Variants in LARGE1 observed in about 807,000 individuals in gnomAD.
The protein encoded by LARGE1 is LARGE xylosyl- and glucuronyltransferase 1.
A neutral mutation model predicts 87.6 loss-of-function variants in LARGE1; 43 were observed. That is an observed-to-expected ratio of 0.49 (90% CI 0.38 to 0.63). LARGE1 has a LOEUF of 0.63. Among genes scored for constraint, LARGE1 ranks in the 30% least tolerant of loss-of-function variants. The pLI, the probability that LARGE1 is intolerant of heterozygous loss-of-function variation, is 0.00. For missense variants in LARGE1, 802 were observed against 1,000.2 expected (o/e 0.80, Z 2.67); for synonymous variants, 434 against 394.6 (o/e 1.10, Z -1.18).
intron 11 of LARGE1, among the ~76,000 whole-genome samples, chr22:33,222,588 G>A (rs748654913): frequency 9.2e-5 from 14 of 152,116 alleles, no homozygotes; most frequent in Non-Finnish European, 1.8e-4. Context: ...TGTAAGAGTC[G>A]GAAGAGGAGA....
Position 33,406,698 on chromosome 22 carries a change from G to A in LARGE1, c.893-22394C>T, listed in dbSNP as rs141599360. Among the ~76,000 whole-genome samples, 517 of 152,332 alleles carry A rather than the reference G, an allele frequency of 3.4e-3. 6 individuals are homozygous for A. The highest frequency in any genetic ancestry group is 0.012 in the African/African-American group (498 of 41,574). ...CAGGGCTGTGTGGTGGTGTGTGGAG[G>A]AGTGGAATTTGGGGCCTCATCCTGA... is the stretch of plus-strand genomic sequence containing the variant. On this transcript the variant is annotated intron_variant, in intron 7 of 14. Coordinates refer to ENST00000397394, the MANE Select transcript of LARGE1 (RefSeq NM_133642.5).
At chr22:33,280,530 T>C (rs996121323) in intron 13 of LARGE1, among the ~76,000 whole-genome samples, 3 of 152,082 alleles carry the variant, frequency 2.0e-5, no homozygotes, top group South Asian at 2.1e-4. Context: ...TTGCACTCCA[T>C]TGTAGGGACA....
At chr22:33,607,194 G>A (rs1200985110) in intron 4 of LARGE1, among the ~76,000 whole-genome samples, 1 of 152,132 alleles carries the variant, frequency 6.6e-6, no homozygotes, top group Non-Finnish European at 1.5e-5. Context: ...AGGTGCCGTG[G>A]CTCATACCCG....
At chr22:33,792,987 C>T (rs1344821122) in intron 1 of LARGE1, among the ~76,000 whole-genome samples, 2 of 152,196 alleles carry the variant, frequency 1.3e-5, no homozygotes, top group African/African-American at 4.8e-5. Context: ...CCACAAACAG[C>T]TTTCCACCCA....
At chr22:33,784,799 A>G (rs771980091) in intron 1 of LARGE1, among the ~76,000 whole-genome samples, 6 of 151,922 alleles carry the variant, frequency 3.9e-5, no homozygotes, top group South Asian at 2.1e-4. Flanking sequence ...TAGTATACAT[A>G]CACACATACA....
At chr22:33,808,180 C>T (rs1368584717) in intron 1 of LARGE1, among the ~76,000 whole-genome samples, 1 of 152,218 alleles carries the variant, frequency 6.6e-6, no homozygotes, top group African/African-American at 2.4e-5. Flanking sequence ...TGCCAGTGTT[C>T]CAGGTTTTGG....
intron 3 of LARGE1, among the ~76,000 whole-genome samples, chr22:33,649,077 T>C (rs905349872): frequency 3.3e-5 from 5 of 152,210 alleles, no homozygotes; most frequent in Non-Finnish European, 5.9e-5. Flanking sequence ...ACATCGTTCC[T>C]ACTCATATGA....
chr22:33,364,649 T>C (rs11914032), intron 9 of LARGE1, among the ~76,000 whole-genome samples: 11,623 of 152,294 alleles, frequency 0.076, 518 homozygotes, highest in South Asian at 0.14. Context: ...ATACAGTATT[T>C]GTCCTTTTGT....
chr22:33,350,923 G>A (rs1940312266), intron 9 of LARGE1, among the ~76,000 whole-genome samples: 1 of 152,188 alleles, frequency 6.6e-6, no homozygotes, highest in South Asian at 2.1e-4. Context: ...AGGGTCAACA[G>A]AGTCCTTTTG....
intron 2 of LARGE1, among the ~76,000 whole-genome samples, chr22:33,693,697 G>A (rs2082163946): frequency 6.6e-6 from 1 of 152,140 alleles, no homozygotes; most frequent in Admixed American, 6.5e-5. Flanking sequence ...GGTGGCGCAC[G>A]CCTGTGGTCC....
At chr22:33,200,406 G>A (rs1292901638) in intron 11 of LARGE1, among the ~76,000 whole-genome samples, 1 of 152,104 alleles carries the variant, frequency 6.6e-6, no homozygotes, top group Admixed American at 6.5e-5. Flanking sequence ...TGTAAAATGG[G>A]GCAGCCACTT....
intron 5 of LARGE1, among the ~76,000 whole-genome samples, chr22:33,588,541 G>A (rs1438556561): frequency 6.6e-6 from 1 of 152,028 alleles, no homozygotes; most frequent in Non-Finnish European, 1.5e-5. Context: ...GTGTGCGCAC[G>A]CACGCATATA....
intron 6 of LARGE1, among the ~76,000 whole-genome samples, chr22:33,510,191 G>A (rs1272224496): frequency 6.6e-6 from 1 of 152,186 alleles, no homozygotes; most frequent in African/African-American, 2.4e-5. Flanking sequence ...GACCATGCAC[G>A]AAGCAGTCTA....
At chr22:33,221,132 C>T (rs1925435468) in intron 11 of LARGE1, among the ~76,000 whole-genome samples, 1 of 151,534 alleles carries the variant, frequency 6.6e-6, no homozygotes, top group Non-Finnish European at 1.5e-5. Flanking sequence ...ATTATAATGT[C>T]CTTCTATCTT....
At chr22:33,441,360 C>T (rs980843238) in intron 6 of LARGE1, among the ~76,000 whole-genome samples, 3 of 152,122 alleles carry the variant, frequency 2.0e-5, no homozygotes, top group African/African-American at 7.2e-5. Context: ...AGACATGAGC[C>T]ACCACAGCCA....
chr22:33,461,426 T>C (rs1045668864), intron 6 of LARGE1, among the ~76,000 whole-genome samples: 1 of 152,156 alleles, frequency 6.6e-6, no homozygotes, highest in African/African-American at 2.4e-5. Flanking sequence ...ACAGAAGTGA[T>C]ATTGTGGGAC....
At chr22:33,781,600 G>A (rs2085422787) in intron 1 of LARGE1, among the ~76,000 whole-genome samples, 1 of 152,208 alleles carries the variant, frequency 6.6e-6, no homozygotes, top group South Asian at 2.1e-4. Flanking sequence ...GCAGCTTCCA[G>A]CTGTGATCAC....
intron 1 of LARGE1, among the ~76,000 whole-genome samples, chr22:33,795,186 T>C (rs567038566): frequency 1.5e-4 from 23 of 152,282 alleles, no homozygotes; most frequent in Admixed American, 1.4e-3. Context: ...ATCTAAAAAG[T>C]AGGAGTAGGA....
chr22:33,069,879 G>A, the LARGE1 span, among the ~76,000 whole-genome samples: 8 of 148,444 alleles, frequency 5.4e-5, no homozygotes, highest in East Asian at 2.0e-4. Flanking sequence ...GTGCAATGGC[G>A]CGTTCTTGGC....
Sources: allele counts gnomAD v4.1 joint callset (sites outside exome capture counted in the v4.1 genomes callset), GRCh38; gene constraint gnomAD v4.1.1; transcripts MANE v1.5; gene names NCBI Gene and HGNC (gene_info 2026-07-23, HGNC 2026-07-21).